The following MBD5 variants were observed in gnomAD, a reference collection of about 807,000 sequenced individuals.
MBD5 encodes methyl-CpG binding domain protein 5.
In MBD5, 13 loss-of-function variants were observed where a neutral mutation model predicts 117.3. That is an observed-to-expected ratio of 0.11 (90% confidence interval 0.07 to 0.18). The LOEUF is 0.18. Among genes scored for constraint, MBD5 ranks in the 10% least tolerant of loss-of-function variants. MBD5 has a pLI of 1.00. For missense variants in MBD5, 1,879 were observed against 2,093.8 expected (o/e 0.90, Z 2.00); for synonymous variants, 727 against 766.4 (o/e 0.95, Z 0.85).
At chr2:148,450,634 G>A (rs1304619852) in intron 4 of MBD5, among the ~76,000 whole-genome samples, 1 of 152,164 alleles carries the variant, frequency 6.6e-6, no homozygotes, top group Non-Finnish European at 1.5e-5. Context: ...AGAAACAAGA[G>A]CGAAAGTTAT....
At chr2:148,042,638 TGAG>T (rs780723323) in intron 1 of MBD5, among the ~76,000 whole-genome samples, 72 of 152,004 alleles carry the variant, frequency 4.7e-4, no homozygotes, top group Non-Finnish European at 7.4e-5. Flanking sequence ...TTTAGGAAGA[TGAG>T]GAGGACCAAA....
intron 3 of MBD5, among the ~76,000 whole-genome samples, chr2:148,307,722 A>G (rs1701926838): frequency 1.3e-5 from 2 of 152,196 alleles, no homozygotes; most frequent in South Asian, 4.1e-4. Context: ...TACACATGCC[A>G]TGGTGGTTTG....
At chr2:148,209,324 A>G (rs930306970) in intron 2 of MBD5, among the ~76,000 whole-genome samples, 11 of 152,208 alleles carry the variant, frequency 7.2e-5, no homozygotes, top group African/African-American at 2.2e-4. Flanking sequence ...GGGGCCAATT[A>G]GATCATGAGG....
chr2:148,169,251 C>G (rs1698200560), intron 1 of MBD5, among the ~76,000 whole-genome samples: 1 of 151,970 alleles, frequency 6.6e-6, no homozygotes, highest in South Asian at 2.1e-4. Context: ...TATTAATTTT[C>G]TCAACCTTGA....
At chr2:148,344,391 G>A (rs986719152) in intron 4 of MBD5, among the ~76,000 whole-genome samples, 28 of 151,970 alleles carry the variant, frequency 1.8e-4, no homozygotes, top group African/African-American at 6.3e-4. Context: ...CGTTTAATCT[G>A]TAGATTGCTT....
chr2:148,258,881 C>T (rs982637263), intron 3 of MBD5, among the ~76,000 whole-genome samples: 2 of 152,108 alleles, frequency 1.3e-5, no homozygotes, highest in African/African-American at 4.8e-5. Flanking sequence ...TTGGTCCTGC[C>T]AGTGGCCTTC....
At chr2:148,408,363 T>A (rs2105153410) in intron 4 of MBD5, among the ~76,000 whole-genome samples, 1 of 152,318 alleles carries the variant, frequency 6.6e-6, no homozygotes, top group South Asian at 2.1e-4. Flanking sequence ...TCCCAAGAGT[T>A]TCTGCCTTGC....
intron 8 of MBD5, among the ~76,000 whole-genome samples, chr2:148,477,773 C>G (rs1681018120): frequency 6.6e-6 from 1 of 152,032 alleles, no homozygotes; most frequent in Non-Finnish European, 1.5e-5. Flanking sequence ...AGTACACTTA[C>G]CAAAGCAAAT....
intron 1 of MBD5, among the ~76,000 whole-genome samples, chr2:148,074,131 C>G (rs1477776940): frequency 2.0e-5 from 3 of 152,086 alleles, no homozygotes; most frequent in Non-Finnish European, 4.4e-5. Context: ...CTCCACTTCT[C>G]TCAGTTAAGT....
intron 3 of MBD5, among the ~76,000 whole-genome samples, chr2:148,282,172 G>T (rs1245337457): frequency 6.6e-6 from 1 of 152,048 alleles, no homozygotes; most frequent in Admixed American, 6.6e-5. Context: ...TCTCTAAAGT[G>T]TCTATTGCCA....
intron 4 of MBD5, among the ~76,000 whole-genome samples, chr2:148,386,048 C>G (rs1704349044): frequency 6.6e-6 from 1 of 151,306 alleles, no homozygotes; most frequent in Non-Finnish European, 1.5e-5. Flanking sequence ...CAACATGGCA[C>G]ATGTATACAT....
chr2:148,140,401 T>G (rs866789831), intron 1 of MBD5, among the ~76,000 whole-genome samples: 67 of 152,376 alleles, frequency 4.4e-4, no homozygotes, highest in African/African-American at 1.5e-3. Flanking sequence ...GTTGTACATT[T>G]ACTTTAAATA....
rs572309671 is a variant in MBD5 at position 148,430,856 on chromosome 2, T to A, written c.-556-27347T>A. 6.6e-5 allele frequency among the ~76,000 whole-genome samples: 10 copies of A among 152,228 alleles called. No homozygotes were observed. In the South Asian group the frequency reaches 1.9e-3, roughly 28 times the overall value. ...ATTACTTTTGTAACAGCAAGAAAAGTCCTCTTACCCAACACAATCTGAACC... is the reference window on the plus strand; with the variant it reads ...ATTACTTTTGTAACAGCAAGAAAAGACCTCTTACCCAACACAATCTGAACC... On this transcript the variant is annotated intron_variant, in intron 4 of 13. Transcript: ENST00000642680.
At chr2:148,343,438 T>G (rs1007535362) in intron 4 of MBD5, among the ~76,000 whole-genome samples, 4 of 152,096 alleles carry the variant, frequency 2.6e-5, no homozygotes, top group African/African-American at 9.7e-5. Context: ...CAACATCTGT[T>G]GTTTTTTGAC....
chr2:148,300,273 C>T (rs1701751799), intron 3 of MBD5, among the ~76,000 whole-genome samples: 2 of 152,116 alleles, frequency 1.3e-5, no homozygotes, highest in African/African-American at 4.8e-5. Context: ...CCAGGCTGGT[C>T]TCGAACTCCT....
rs116789105 is a variant in MBD5, at chr2:148,252,668, G to A, written c.-680+19273G>A. On this transcript the variant is annotated intron_variant, in intron 3 of 13. Transcript: ENST00000642680. ...AGGCTCAGGTAATCTTCCTACCTCT[G>A]CCTCCCACATAGCTGGGACTGCAGG... is the stretch of plus-strand genomic sequence containing the variant. Among the ~76,000 whole-genome samples the A allele has an allele frequency of 8.8e-3, 1,334 of 152,102 alleles. 11 individuals carry two copies. Among genetic ancestry groups the A allele is most frequent in the African/African-American group, 0.03 (1,237 of 41,482 alleles).
In MBD5 at chr2:148,373,416, T is replaced by C. The variant is rs571644965; in HGVS notation, c.-557+31080T>C. The stretch of plus-strand genomic sequence containing the variant: ...GAACCTTGCTGATTTGGATTAATTA[T>C]AGGGAAAAATACAAACATGTTCTTC... On this transcript the variant is annotated intron_variant, in intron 4 of 13. Transcript: ENST00000642680. Among the ~76,000 whole-genome samples the C allele has an allele frequency of 1.3e-4, 20 of 152,190 alleles. No individual in the cohort carries two copies. The South Asian group carries it at 4.1e-3, about 32-fold the overall frequency.
chr2:148,433,483 G>A (rs1195299166), intron 4 of MBD5, among the ~76,000 whole-genome samples: 1 of 152,108 alleles, frequency 6.6e-6, no homozygotes, highest in East Asian at 1.9e-4. Context: ...ATTGGCTGTG[G>A]GTTTGTCATG....
intron 3 of MBD5, among the ~76,000 whole-genome samples, chr2:148,314,308 T>C (rs956572890): frequency 2.0e-5 from 3 of 151,762 alleles, no homozygotes; most frequent in East Asian, 3.9e-4. Flanking sequence ...AACTTCTTTA[T>C]ATTGTATGAA....
Sources: allele counts gnomAD v4.1 joint callset (sites outside exome capture counted in the v4.1 genomes callset), GRCh38; gene constraint gnomAD v4.1.1; transcripts MANE v1.5; gene names NCBI Gene and HGNC (gene_info 2026-07-23, HGNC 2026-07-21).